RAB7A: variants seen among roughly 807,000 people sequenced by gnomAD.
RAB7A encodes the protein RAB7A, member RAS oncogene family.
Under a neutral mutation model 24.5 loss-of-function variants are expected in RAB7A, and 2 were observed. That is an observed-to-expected ratio of 0.08 (90% CI 0.03 to 0.26). The LOEUF (loss-of-function observed/expected upper bound fraction) is 0.26, where lower values mean the gene tolerates loss of function less well. RAB7A is among the 10% of genes least tolerant of loss of function. RAB7A has a pLI of 1.00. For synonymous variants in RAB7A, 100 were observed against 95.9 expected, an observed-to-expected ratio of 1.04 and a Z score of -0.25; for missense variants, 118 against 255.7, an observed-to-expected ratio of 0.46 and a Z score of 3.67.
intron 1 of RAB7A, among the ~76,000 whole-genome samples, chr3:128,773,826 T>A (rs1933014283): frequency 2.0e-5 from 3 of 152,192 alleles, no homozygotes; most frequent in African/African-American, 7.2e-5. Flanking sequence ...CCACTCAGGG[T>A]TAAATGGATT....
intron 1 of RAB7A, among the ~76,000 whole-genome samples, chr3:128,792,815 A>ATTTT (rs869135092): frequency 8.3e-5 from 11 of 133,232 alleles, no homozygotes; most frequent in African/African-American, 1.7e-4. Context: ...CACCGAGCTA[A>ATTTT]TTTTTATTTA....
intron 1 of RAB7A, among the ~76,000 whole-genome samples, chr3:128,756,448 G>A (rs1247173180): frequency 6.6e-6 from 1 of 151,906 alleles, no homozygotes; most frequent in African/African-American, 2.4e-5. Context: ...GAATAAAATA[G>A]TAAATTAGGT....
chr3:128,772,588 G>GTTC lies in RAB7A; in HGVS notation c.-8-22770_-8-22768dup, dbSNP rs565877060. ...TTAAGCCTGATGCACTTAGAAGCAT[G>GTTC]TTCTACTTTGGATATCTGTTCTGAG... On this transcript the variant is annotated intron_variant, in intron 1 of 5. Transcript: ENST00000265062. Among the ~76,000 whole-genome samples the GTTC allele has an allele frequency of 5.4e-4, 82 of 152,318 alleles. 1 individual carries two copies. The South Asian group carries it at 0.011, about 20-fold the overall frequency.
chr3:128,805,355 T>C (rs1255565488), intron 3 of RAB7A, among the ~76,000 whole-genome samples: 1 of 152,152 alleles, frequency 6.6e-6, no homozygotes, highest in Non-Finnish European at 1.5e-5. Context: ...AAATTTGTCT[T>C]TTTTGCCCTT....
intron 1 of RAB7A, chr3:128,765,114 G>A (rs1421117937): frequency 1.3e-6 from 1 of 744,654 alleles, no homozygotes; most frequent in African/African-American, 1.7e-5. Context: ...AGAGGGGACA[G>A]AGGGCTGGCT....
At chr3:128,753,428 A>G (rs114232338) in intron 1 of RAB7A, among the ~76,000 whole-genome samples, 55 of 152,318 alleles carry the variant, frequency 3.6e-4, no homozygotes, top group African/African-American at 1.3e-3. Context: ...AATGATAAAG[A>G]TAGTAAATTT....
intron 1 of RAB7A, among the ~76,000 whole-genome samples, chr3:128,768,444 T>C (rs1027449522): frequency 3.3e-5 from 5 of 152,342 alleles, no homozygotes; most frequent in Non-Finnish European, 7.3e-5. Flanking sequence ...TAGGTAGCTG[T>C]TTCGGAGGGG....
chr3:128,775,417 G>A (rs1043318642), intron 1 of RAB7A, among the ~76,000 whole-genome samples: 2 of 152,152 alleles, frequency 1.3e-5, no homozygotes, highest in South Asian at 4.1e-4. Flanking sequence ...AACATCCCTC[G>A]CCTCTTCCCC....
At chr3:128,734,423 C>G (rs554607912) in intron 1 of RAB7A, among the ~76,000 whole-genome samples, 2 of 139,580 alleles carry the variant, frequency 1.4e-5, no homozygotes, top group African/African-American at 5.3e-5. Context: ...CCACTGCACT[C>G]TAGCCTGGGC....
At chr3:128,766,145 C>T (rs1367895842) in intron 1 of RAB7A, among the ~76,000 whole-genome samples, 2 of 152,174 alleles carry the variant, frequency 1.3e-5, no homozygotes, top group Non-Finnish European at 2.9e-5. Context: ...CAGACCAGAG[C>T]AGCCCCTCTA....
intron 1 of RAB7A, among the ~76,000 whole-genome samples, chr3:128,735,370 T>C (rs2070481053): frequency 6.6e-6 from 1 of 152,210 alleles, no homozygotes. Flanking sequence ...GGGCAGGCAC[T>C]GCAATCCCTT....
intron 5 of RAB7A, among the ~76,000 whole-genome samples, chr3:128,811,086 A>C (rs1176986637): frequency 6.6e-6 from 1 of 151,450 alleles, no homozygotes; most frequent in Non-Finnish European, 1.5e-5. Flanking sequence ...CACCCATGAT[A>C]CTATTTTAGG....
chr3:128,812,661 G>GAC (rs1394862579), intron 5 of RAB7A, among the ~76,000 whole-genome samples: 1 of 152,210 alleles, frequency 6.6e-6, no homozygotes, highest in Non-Finnish European at 1.5e-5. Flanking sequence ...CCACTAAAAT[G>GAC]ACCATAGTCC....
intron 1 of RAB7A, among the ~76,000 whole-genome samples, chr3:128,763,830 A>G (rs1038528422): frequency 6.8e-6 from 1 of 147,402 alleles, no homozygotes; most frequent in Non-Finnish European, 1.5e-5. Context: ...TTTTAAATAC[A>G]TTCCTTCTAC....
At chr3:128,758,309 G>GTC (rs2070747967) in intron 1 of RAB7A, among the ~76,000 whole-genome samples, 2 of 138,732 alleles carry the variant, frequency 1.4e-5, no homozygotes, top group Admixed American at 7.7e-5. Flanking sequence ...GTCTGGCTCT[G>GTC]TCGCCCAGGC....
chr3:128,785,844 G>GC (rs1017562168), intron 1 of RAB7A, among the ~76,000 whole-genome samples: 49 of 150,588 alleles, frequency 3.3e-4, no homozygotes, highest in African/African-American at 1.2e-3. Flanking sequence ...TGTTTATCCT[G>GC]CCCCCCTAGA....
intron 1 of RAB7A, among the ~76,000 whole-genome samples, chr3:128,793,223 G>C (rs1350757677): frequency 2.0e-5 from 3 of 151,514 alleles, no homozygotes; most frequent in Non-Finnish European, 4.4e-5. Context: ...GGGTTTCACC[G>C]TGTTAGCCAG....
At chr3:128,768,261 C>T (rs549601997) in intron 1 of RAB7A, among the ~76,000 whole-genome samples, 54 of 152,196 alleles carry the variant, frequency 3.5e-4, no homozygotes, top group African/African-American at 1.3e-3. Flanking sequence ...ATCTATAGTT[C>T]ATTCCTTTTT....
At chr3:128,795,517 T>G in intron 2 of RAB7A, 97 bp downstream of exon 2, 5 of 1,118,268 alleles carry the variant, frequency 4.5e-6, no homozygotes, top group Non-Finnish European at 6.9e-6. Context: ...CTTGCTTTCA[T>G]AGTGAGGCTT....
Sources: allele counts gnomAD v4.1 joint callset (sites outside exome capture counted in the v4.1 genomes callset), GRCh38; gene constraint gnomAD v4.1.1; transcripts MANE v1.5; gene names NCBI Gene and HGNC (gene_info 2026-07-23, HGNC 2026-07-21).